Variants in SYN3 observed in about 807,000 individuals in gnomAD.
The protein encoded by SYN3 is synapsin III.
Under a neutral mutation model 65.8 loss-of-function variants are expected in SYN3, and 35 were observed. The ratio of observed to expected loss-of-function variants is 0.53; its 90% CI spans 0.41 to 0.70. The LOEUF (loss-of-function observed/expected upper bound fraction) is 0.70. Among genes scored for constraint, SYN3 ranks in the 30% least tolerant of loss-of-function variants. SYN3 has a pLI of 0.00. For missense variants in SYN3, 680 were observed against 749.0 expected (o/e 0.91, Z 1.08); for synonymous variants, 270 against 292.9 (o/e 0.92, Z 0.80).
At chr22:32,748,315 A>G (rs2044999428) in intron 6 of SYN3, among the ~76,000 whole-genome samples, 1 of 152,194 alleles carries the variant, frequency 6.6e-6, no homozygotes, top group African/African-American at 2.4e-5. Context: ...GGTCAGACAG[A>G]TCTGGTTTCA....
chr22:32,642,842 C>T (rs1011667995), intron 6 of SYN3, among the ~76,000 whole-genome samples: 1 of 152,126 alleles, frequency 6.6e-6, no homozygotes, highest in African/African-American at 2.4e-5. Context: ...CAGGCTTGAG[C>T]CACTGTGCTT....
intron 6 of SYN3, among the ~76,000 whole-genome samples, chr22:32,620,017 T>C (rs1015444838): frequency 6.6e-6 from 1 of 152,194 alleles, no homozygotes; most frequent in Non-Finnish European, 1.5e-5. Flanking sequence ...TGACCACCAA[T>C]GGATGAATAA....
At chr22:32,707,149 A>G (rs138300617) in intron 6 of SYN3, among the ~76,000 whole-genome samples, 138 of 152,288 alleles carry the variant, frequency 9.1e-4, no homozygotes, top group Non-Finnish European at 1.5e-3. Context: ...ATTGATAAAA[A>G]CCCATGATGG....
chr22:32,720,649 G>C (rs2061104259), intron 6 of SYN3, among the ~76,000 whole-genome samples: 1 of 152,224 alleles, frequency 6.6e-6, no homozygotes, highest in South Asian at 2.1e-4. Context: ...GTGCTAACTG[G>C]CTGGAGGAAA....
chr22:32,953,864 G>T (rs56220612), intron 3 of SYN3, among the ~76,000 whole-genome samples: 1 of 151,978 alleles, frequency 6.6e-6, no homozygotes, highest in Non-Finnish European at 1.5e-5. Context: ...ATCACACTTG[G>T]CAATATAAGA....
At chr22:32,652,027 C>A (rs924121717) in intron 6 of SYN3, among the ~76,000 whole-genome samples, 2 of 152,194 alleles carry the variant, frequency 1.3e-5, no homozygotes, top group African/African-American at 2.4e-5. Context: ...TTGAGAGGCT[C>A]TGCATTAGAG....
In SYN3 at chr22:33,035,335, C is replaced by CA. The variant is rs1556217059; in HGVS notation, c.-163+22956_-163+22957insT. 7.9e-5 allele frequency among the ~76,000 whole-genome samples: 6 copies of CA among 75,684 alleles called. 1 individual carries two copies. Among genetic ancestry groups the CA allele is most frequent in the Non-Finnish European group, 1.4e-4 (5 of 35,310 alleles). The allele number at this position is 75,684 out of a possible 152,430, so 49.7% of individuals were successfully genotyped here. On this transcript the variant is annotated intron_variant, in intron 1 of 13. Coordinates refer to ENST00000358763, the MANE Select transcript of SYN3 (RefSeq NM_003490.4). The stretch of plus-strand genomic sequence containing the variant: ...GAAAAATTAAAAATCTCGGGACCCC[C>CA]CCCCCCCCCGCCACCAAACTTCTTA...
At chr22:33,040,099 G>C (rs11089601) in intron 1 of SYN3, among the ~76,000 whole-genome samples, 2 of 150,248 alleles carry the variant, frequency 1.3e-5, no homozygotes, top group African/African-American at 4.9e-5. Context: ...GCGCGATCTC[G>C]GCTCACTGCC....
chr22:32,544,190 G>A (rs1465034521), intron 7 of SYN3, among the ~76,000 whole-genome samples: 3 of 152,110 alleles, frequency 2.0e-5, no homozygotes, highest in Non-Finnish European at 2.9e-5. Context: ...TTTCCGCCTC[G>A]GCCTTCCAAA....
chr22:33,045,891 T>C (rs75409784), intron 1 of SYN3, among the ~76,000 whole-genome samples: 14,333 of 151,894 alleles, frequency 0.094, 1,015 homozygotes, highest in East Asian at 0.3. Flanking sequence ...GCTCTCTTAA[T>C]ACACAGCATT....
At chr22:32,761,772 G>A (rs1160937056) in intron 6 of SYN3, among the ~76,000 whole-genome samples, 3 of 152,210 alleles carry the variant, frequency 2.0e-5, no homozygotes, top group African/African-American at 7.2e-5. Flanking sequence ...CAGTGATTCA[G>A]CGAAACAACC....
At chr22:32,973,066 C>A (rs755899587) in intron 3 of SYN3, among the ~76,000 whole-genome samples, 1 of 152,142 alleles carries the variant, frequency 6.6e-6, no homozygotes, top group Non-Finnish European at 1.5e-5. Context: ...GCTCCTCATT[C>A]CTCAGTGACA....
intron 2 of SYN3, among the ~76,000 whole-genome samples, chr22:32,988,019 G>C (rs1308231416): frequency 6.6e-6 from 1 of 151,880 alleles, no homozygotes; most frequent in Non-Finnish European, 1.5e-5. Context: ...TTCTTTGAAA[G>C]ACACTGAGGC....
intron 6 of SYN3, among the ~76,000 whole-genome samples, chr22:32,644,583 G>A (rs554030777): frequency 6.6e-6 from 1 of 152,306 alleles, no homozygotes; most frequent in African/African-American, 2.4e-5. Context: ...ACTGACGCTC[G>A]CACATGCAGG....
chr22:32,793,873 C>G (rs931961494), intron 6 of SYN3, among the ~76,000 whole-genome samples: 1 of 152,216 alleles, frequency 6.6e-6, no homozygotes, highest in African/African-American at 2.4e-5. Context: ...AGTTGAAAAT[C>G]TGGGAATACC....
At chr22:32,923,910 T>A (rs2050400602) in intron 4 of SYN3, among the ~76,000 whole-genome samples, 2 of 152,194 alleles carry the variant, frequency 1.3e-5, no homozygotes, top group South Asian at 2.1e-4. Context: ...TCTCATCATT[T>A]AGCTCCCACT....
intron 2 of SYN3, among the ~76,000 whole-genome samples, chr22:32,996,687 C>T (rs538232630): frequency 1.3e-5 from 2 of 152,310 alleles, no homozygotes; most frequent in Admixed American, 6.5e-5. Context: ...CCTGAGATCC[C>T]TTGGTGCTTT....
In SYN3 at chr22:32,809,973, G is replaced by A. The variant is rs73397463; in HGVS notation, c.711+54942C>T. The stretch of plus-strand genomic sequence containing the variant: ...CTGTTACCCACAGTGCTGCCACCAT[G>A]CCTGGGATAGACAGCAGGTAACTGA... On this transcript the variant is annotated intron_variant, in intron 6 of 13. Transcript: ENST00000358763. Among the ~76,000 whole-genome samples, 1,148 of 152,308 alleles carry A rather than the reference G, an allele frequency of 7.5e-3. 14 individuals carry two copies. Among genetic ancestry groups the A allele is most frequent in the African/African-American group, 0.027 (1,109 of 41,562 alleles).
At chr22:33,033,108 G>A (rs1313148430) in intron 1 of SYN3, among the ~76,000 whole-genome samples, 1 of 144,936 alleles carries the variant, frequency 6.9e-6, no homozygotes, top group East Asian at 2.4e-4. Context: ...GGCCTCCCAA[G>A]TAGCTGGGAC....
Sources: gnomAD v4.1 joint callset for allele counts (sites outside exome capture counted in the v4.1 genomes callset) on GRCh38, gnomAD v4.1.1 for gene constraint, MANE v1.5 for transcripts, NCBI Gene and HGNC (gene_info 2026-07-23, HGNC 2026-07-21) for gene names.